Variants in COL8A1 observed in about 807,000 individuals in gnomAD.
COL8A1 encodes collagen alpha-1(VIII) chain.
A neutral mutation model predicts 42.7 loss-of-function variants in COL8A1; 21 were observed. The ratio of observed to expected loss-of-function variants is 0.49; its 90% CI spans 0.35 to 0.71. The LOEUF (loss-of-function observed/expected upper bound fraction) is 0.71. Among genes scored for constraint, COL8A1 ranks in the 30% least tolerant of loss-of-function variants. COL8A1 has a pLI of 0.01. For missense variants in COL8A1, 788 were observed against 962.4 expected (o/e 0.82, Z 2.40); for synonymous variants, 367 against 369.1 (o/e 0.99, Z 0.06).
chr3:99,772,609 C>G (rs1225662281), intron 2 of COL8A1, among the ~76,000 whole-genome samples: 1 of 152,116 alleles, frequency 6.6e-6, no homozygotes, highest in East Asian at 1.9e-4. Flanking sequence ...AAACCTAAAA[C>G]TGCTCTAAAA....
chr3:99,697,272 C>A (rs1275088950), intron 1 of COL8A1, among the ~76,000 whole-genome samples: 1 of 152,082 alleles, frequency 6.6e-6, no homozygotes, highest in Non-Finnish European at 1.5e-5. Context: ...AGGCGTGAGC[C>A]ACCGCGCCCG....
chr3:99,679,773 C>A (rs1206688428), intron 1 of COL8A1: 1 of 152,154 alleles, frequency 6.6e-6, no homozygotes, highest in East Asian at 1.9e-4. Context: ...CAATCTGTTT[C>A]TGGCATGGCA....
chr3:99,645,813 C>T (rs965558373), intron 1 of COL8A1, among the ~76,000 whole-genome samples: 2 of 151,724 alleles, frequency 1.3e-5, no homozygotes, highest in African/African-American at 2.4e-5. Flanking sequence ...AAAACTAAAA[C>T]AATCTTAGAA....
chr3:99,700,713 A>C (rs1939512160), intron 1 of COL8A1, among the ~76,000 whole-genome samples: 1 of 152,130 alleles, frequency 6.6e-6, no homozygotes, highest in Non-Finnish European at 1.5e-5. Flanking sequence ...AAATTTCTTA[A>C]ATCAGCTGAT....
At chr3:99,685,607 A>G (rs981739907) in intron 1 of COL8A1, 4 of 151,958 alleles carry the variant, frequency 2.6e-5, no homozygotes, top group South Asian at 4.1e-4. Flanking sequence ...TAATTCTCCT[A>G]TGTTGGTTTT....
At chr3:99,758,609 A>G (rs1941305566) in intron 2 of COL8A1, among the ~76,000 whole-genome samples, 1 of 152,170 alleles carries the variant, frequency 6.6e-6, no homozygotes, top group Non-Finnish European at 1.5e-5. Flanking sequence ...CAACTAGAGC[A>G]TGCTTGTAGA....
intron 1 of COL8A1, among the ~76,000 whole-genome samples, chr3:99,713,910 T>G (rs1939917119): frequency 6.6e-6 from 1 of 152,158 alleles, no homozygotes; most frequent in South Asian, 2.1e-4. Context: ...GCTGTTTTAC[T>G]TAATCTGGTT....
At chr3:99,774,623 CCAGCCCAA>C (rs1941656226) in intron 2 of COL8A1, among the ~76,000 whole-genome samples, 1 of 151,970 alleles carries the variant, frequency 6.6e-6, no homozygotes, top group Admixed American at 6.6e-5. Context: ...CTGTTCATAT[CCAGCCCAA>C]CACACGTGAA....
chr3:99,752,844 C>T (rs1376195292), intron 2 of COL8A1, among the ~76,000 whole-genome samples: 1 of 152,076 alleles, frequency 6.6e-6, no homozygotes, highest in African/African-American at 2.4e-5. Context: ...GAGTAGGTAT[C>T]AGGCTAGAAT....
At chr3:99,713,970 A>C (rs1483405086) in intron 1 of COL8A1, among the ~76,000 whole-genome samples, 1 of 152,030 alleles carries the variant, frequency 6.6e-6, no homozygotes. Flanking sequence ...ATGAGAGGGG[A>C]GGAGAAAAAG....
chr3:99,791,061 A>G, intron 3 of COL8A1, 51 bp downstream of exon 3: 1 of 1,490,542 alleles, frequency 6.7e-7, no homozygotes. Context: ...CCAAATCTCT[A>G]AATTATGGGA....
chr3:99,765,612 C>G (rs1941449413), intron 2 of COL8A1, among the ~76,000 whole-genome samples: 1 of 152,188 alleles, frequency 6.6e-6, no homozygotes, highest in Admixed American at 6.5e-5. Context: ...TGGAACACTT[C>G]TTATTCTACA....
At chr3:99,723,815 C>T (rs1940225744) in intron 1 of COL8A1, among the ~76,000 whole-genome samples, 1 of 152,132 alleles carries the variant, frequency 6.6e-6, no homozygotes. Flanking sequence ...ATCCCAACAC[C>T]ATCAGCCCTC....
intron 1 of COL8A1, chr3:99,679,840 T>C (rs752243024): frequency 1.3e-5 from 2 of 152,222 alleles, no homozygotes; most frequent in Non-Finnish European, 2.9e-5. Flanking sequence ...ACAAGATTAA[T>C]TACTGTAGCT....
intron 1 of COL8A1, among the ~76,000 whole-genome samples, chr3:99,732,946 G>A (rs1940564185): frequency 6.6e-6 from 1 of 151,944 alleles, no homozygotes; most frequent in Non-Finnish European, 1.5e-5. Flanking sequence ...ACTACAGGCC[G>A]CATGCAAGTC....
At chr3:99,759,734 T>C (rs1941330814) in intron 2 of COL8A1, among the ~76,000 whole-genome samples, 1 of 152,178 alleles carries the variant, frequency 6.6e-6, no homozygotes, top group African/African-American at 2.4e-5. Flanking sequence ...CTCAAGCCAG[T>C]TGTTTCAACC....
chr3:99,735,217 C>A (rs1940666319), intron 1 of COL8A1, among the ~76,000 whole-genome samples: 1 of 142,312 alleles, frequency 7.0e-6, no homozygotes, highest in Non-Finnish European at 1.5e-5. Context: ...GAGGGCATCC[C>A]TGTCTTGTGC....
rs148603913 is a variant in COL8A1, at chr3:99,746,028, G to T, written c.-4+1007G>T. On this transcript the variant is annotated intron_variant, in intron 2 of 3. Transcript: ENST00000652472. The stretch of plus-strand genomic sequence containing the variant: ...AATTTTATTTCATAATTAAAAGAAT[G>T]AATTGCTAAGATTCCCCAGATTTTT... 2.6e-3 allele frequency among the ~76,000 whole-genome samples: 396 copies of T among 152,218 alleles called. 1 individual carries two copies. The highest frequency in any genetic ancestry group is 9.2e-3 in the African/African-American group (383 of 41,534).
intron 2 of COL8A1, among the ~76,000 whole-genome samples, chr3:99,750,627 A>C (rs1026268613): frequency 2.6e-5 from 4 of 152,162 alleles, no homozygotes; most frequent in Admixed American, 2.0e-4. Context: ...AATAATAATA[A>C]ATGTAATAGG....
Sources: allele counts gnomAD v4.1 joint callset (sites outside exome capture counted in the v4.1 genomes callset), GRCh38; gene constraint gnomAD v4.1.1; transcripts MANE v1.5; gene names NCBI Gene and HGNC (gene_info 2026-07-23, HGNC 2026-07-21).